Variants in ARHGAP31 observed in about 807,000 individuals in gnomAD.
ARHGAP31 encodes Rho GTPase activating protein 31, also known as rho GTPase-activating protein 31.
A neutral mutation model predicts 113.9 loss-of-function variants in ARHGAP31; 34 were observed. The ratio of observed to expected loss-of-function variants is 0.30; its 90% CI spans 0.23 to 0.40. The LOEUF is 0.40. Among genes scored for constraint, ARHGAP31 ranks in the 10% least tolerant of loss-of-function variants. The pLI, the probability that ARHGAP31 is intolerant of heterozygous loss-of-function variation, is 1.00. For synonymous variants in ARHGAP31, 650 were observed against 684.8 expected, an observed-to-expected ratio of 0.95 and a Z score of 0.79; for missense variants, 1,548 against 1,767.1, an observed-to-expected ratio of 0.88 and a Z score of 2.22.
intron 1 of ARHGAP31, among the ~76,000 whole-genome samples, chr3:119,364,625 T>A (rs1015025370): frequency 1.3e-5 from 2 of 152,144 alleles, no homozygotes; most frequent in Non-Finnish European, 2.9e-5. Context: ...AGTTAATAGG[T>A]TGGGAGTGGG....
rs1277250650 is a variant in ARHGAP31, at chr3:119,363,106, C to T, written c.101-2210C>T. Among the ~76,000 whole-genome samples, 5 of 151,978 alleles carry T rather than the reference C, an allele frequency of 3.3e-5. No individual in the cohort carries two copies. The East Asian group carries it at 5.8e-4, about 18-fold the overall frequency. On this transcript the variant is annotated intron_variant, in intron 1 of 11. Transcript: ENST00000264245. ...AAGGTTACAAAAGCAGTTTGGTATC[C>T]GAATCTGCACTCTCAACCATAGACT...
chr3:119,340,134 A>G (rs1454043149), intron 1 of ARHGAP31, among the ~76,000 whole-genome samples: 4 of 152,268 alleles, frequency 2.6e-5, no homozygotes, highest in Non-Finnish European at 4.4e-5. Flanking sequence ...ATTTTATCAA[A>G]GAAGATAGAC....
chr3:119,411,512 C>T (rs1374880869), intron 11 of ARHGAP31, among the ~76,000 whole-genome samples: 12 of 152,094 alleles, frequency 7.9e-5, no homozygotes, highest in South Asian at 2.1e-4. Context: ...ACTGTGGGTC[C>T]ACTTACTGAG....
Position 119,336,381 on chromosome 3 carries a change from G to A in ARHGAP31, c.101-28935G>A, listed in dbSNP as rs565458896. 7.8e-5 allele frequency among the ~76,000 whole-genome samples: 11 copies of A among 141,690 alleles called. No individual in the cohort carries two copies. The South Asian group carries it at 2.5e-3, about 32-fold the overall frequency. The allele number at this position is 141,690 out of a possible 152,430, so 93.0% of individuals were successfully genotyped here. A position where few individuals can be genotyped will look rare whatever the true frequency, so the allele number is the denominator to read the frequency against. ...AATTTACATCAGCCAGTCGCTAGAT[G>A]GGCCATAGTGTAGATCTACACTGAC... On this transcript the variant is annotated intron_variant, in intron 1 of 11. Transcript: ENST00000264245.
At chr3:119,376,525 CCCG>C in intron 3 of ARHGAP31, among the ~76,000 whole-genome samples, 1 of 152,288 alleles carries the variant, frequency 6.6e-6, no homozygotes, top group South Asian at 2.1e-4. Context: ...TCAGTGTGTC[CCCG>C]CTGTCCCCAA....
intron 1 of ARHGAP31, among the ~76,000 whole-genome samples, chr3:119,310,045 G>T (rs1281415143): frequency 6.6e-6 from 1 of 151,862 alleles, no homozygotes; most frequent in African/African-American, 2.4e-5. Context: ...CACATAGCTG[G>T]TACTTGGCAA....
intron 11 of ARHGAP31, among the ~76,000 whole-genome samples, chr3:119,411,050 A>T (rs1021960427): frequency 5.3e-5 from 8 of 152,240 alleles, no homozygotes; most frequent in Non-Finnish European, 1.2e-4. Flanking sequence ...ACCTCCAGGC[A>T]GAAAGAATAA....
intron 1 of ARHGAP31, among the ~76,000 whole-genome samples, chr3:119,364,643 G>T (rs2080238477): frequency 6.6e-6 from 1 of 152,222 alleles, no homozygotes; most frequent in African/African-American, 2.4e-5. Context: ...GGGGCCTGAA[G>T]ATTTGCATTT....
intron 1 of ARHGAP31, among the ~76,000 whole-genome samples, chr3:119,318,564 ATTAAT>A (rs1334939517): frequency 2.6e-5 from 4 of 152,168 alleles, no homozygotes; most frequent in African/African-American, 9.7e-5. Context: ...TTACTTCCTG[ATTAAT>A]TTAATTCTGT....
At chr3:119,348,837 TCTGA>T (rs1259543446) in intron 1 of ARHGAP31, among the ~76,000 whole-genome samples, 1 of 152,166 alleles carries the variant, frequency 6.6e-6, no homozygotes, top group East Asian at 1.9e-4. Context: ...AATATGGGTG[TCTGA>T]CTGTATATCT....
intron 1 of ARHGAP31, chr3:119,298,943 G>A: frequency 4.4e-6 from 1 of 226,466 alleles, no homozygotes; most frequent in Non-Finnish European, 9.2e-6. Flanking sequence ...AAGCCTGCAA[G>A]GACCAAACAC....
At chr3:119,323,808 C>T (rs1275176263) in intron 1 of ARHGAP31, among the ~76,000 whole-genome samples, 1 of 152,198 alleles carries the variant, frequency 6.6e-6, no homozygotes, top group Non-Finnish European at 1.5e-5. Flanking sequence ...ACTTTTGTGG[C>T]TTACTTTTTG....
intron 1 of ARHGAP31, among the ~76,000 whole-genome samples, chr3:119,300,120 C>T (rs980825968): frequency 6.6e-6 from 1 of 152,224 alleles, no homozygotes; most frequent in Non-Finnish European, 1.5e-5. Context: ...TGCTTGTTCC[C>T]AGCTGAGTGA....
At chr3:119,321,935 G>C (rs2079791204) in intron 1 of ARHGAP31, among the ~76,000 whole-genome samples, 1 of 152,170 alleles carries the variant, frequency 6.6e-6, no homozygotes, top group Non-Finnish European at 1.5e-5. Context: ...TTACAGGCGT[G>C]AGCCACCACG....
chr3:119,372,049 G>A (rs893703955), intron 3 of ARHGAP31, among the ~76,000 whole-genome samples: 22 of 152,072 alleles, frequency 1.4e-4, no homozygotes, highest in African/African-American at 4.4e-4. Context: ...TTGCTATTGC[G>A]AATAGCACTG....
chr3:119,336,298 T>A (rs375796486), intron 1 of ARHGAP31, among the ~76,000 whole-genome samples: 4 of 152,242 alleles, frequency 2.6e-5, no homozygotes, highest in Non-Finnish European at 5.9e-5. Context: ...TCACTTTATT[T>A]TTTAAATTCT....
intron 1 of ARHGAP31, among the ~76,000 whole-genome samples, chr3:119,346,274 C>G (rs1304841704): frequency 6.6e-6 from 1 of 152,254 alleles, no homozygotes; most frequent in East Asian, 1.9e-4. Flanking sequence ...AAACAGGAAT[C>G]ATGAGATCTT....
At chr3:119,381,758 C>T (rs955859233) in intron 4 of ARHGAP31, among the ~76,000 whole-genome samples, 15 of 151,986 alleles carry the variant, frequency 9.9e-5, no homozygotes, top group Admixed American at 2.0e-4. Flanking sequence ...GAGGCCCAGG[C>T]GGGCGAGCAC....
intron 1 of ARHGAP31, among the ~76,000 whole-genome samples, chr3:119,326,359 C>T (rs771712919): frequency 4.6e-5 from 7 of 151,710 alleles, no homozygotes; most frequent in Non-Finnish European, 1.0e-4. Context: ...GAGAATGTGT[C>T]GTGCTACTGT....
Sources: allele counts gnomAD v4.1 joint callset (sites outside exome capture counted in the v4.1 genomes callset), GRCh38; gene constraint gnomAD v4.1.1; transcripts MANE v1.5; gene names NCBI Gene and HGNC (gene_info 2026-07-23, HGNC 2026-07-21).